Variants in SEC63 observed in about 807,000 individuals in gnomAD.
The protein encoded by SEC63 is SEC63 protein translocation regulator.
SEC63 carries 56 observed loss-of-function variants against 116.2 expected under a neutral mutation model. The ratio of observed to expected loss-of-function variants is 0.48; its 90% CI spans 0.39 to 0.60. The LOEUF is 0.60. Ranked by LOEUF, SEC63 falls within the 20% of genes least tolerant of loss-of-function variation. The pLI is 0.00. For missense variants in SEC63, 668 were observed against 900.0 expected (o/e 0.74, Z 3.30); for synonymous variants, 273 against 294.6 (o/e 0.93, Z 0.75).
chr6:107,876,716 A>G (rs1583720795), intron 18 of SEC63, 54 bp from the exon 19 acceptor site: 2 of 1,214,180 alleles, frequency 1.6e-6, no homozygotes, highest in East Asian at 4.7e-5. Flanking sequence ...AATCAGAAAG[A>G]ACTAGAAAGA....
Position 107,881,221 on chromosome 6 carries a change from C to T in SEC63, c.1863G>A (p.Gln621=). 3 of 1,612,778 alleles carry T rather than the reference C, an allele frequency of 1.9e-6. No homozygotes were observed. In the South Asian group the frequency reaches 3.3e-5, roughly 18 times the overall value. ...TTTCCAATAGAGCTCTCTCTTTTCG[C>T]TGTATGCTTTGTTGTAATTCTTGCC... is the stretch of plus-strand genomic sequence containing the variant. ...AEWQELQQSI[Q]RKERALLETK... Residue 621 remains glutamine (Q), a synonymous_variant, in exon 18 of 21, where the codon CAG becomes CAA. Coordinates refer to ENST00000369002, the MANE Select transcript of SEC63 (RefSeq NM_007214.5).
At chr6:107,910,983 T>A (rs1416057800) in intron 7 of SEC63, among the ~76,000 whole-genome samples, 1 of 152,178 alleles carries the variant, frequency 6.6e-6, no homozygotes, top group African/African-American at 2.4e-5. Context: ...TGTGCTGGGA[T>A]TACAGGAGTG....
At chr6:107,923,145 C>T (rs535017480) in intron 3 of SEC63, among the ~76,000 whole-genome samples, 4 of 152,256 alleles carry the variant, frequency 2.6e-5, no homozygotes, top group African/African-American at 9.6e-5. Context: ...TACTGATAAA[C>T]ACAAAAGATT....
intron 4 of SEC63, among the ~76,000 whole-genome samples, chr6:107,915,408 C>A (rs1787376080): frequency 6.6e-6 from 1 of 152,060 alleles, no homozygotes; most frequent in African/African-American, 2.4e-5. Context: ...AAACAAGTGA[C>A]CATGAGTTGG....
chr6:107,909,664 C>T (rs1020269819), intron 7 of SEC63, among the ~76,000 whole-genome samples: 1 of 152,180 alleles, frequency 6.6e-6, no homozygotes, highest in Non-Finnish European at 1.5e-5. Context: ...GCTATAAGCA[C>T]CAAGCTGGTT....
intron 4 of SEC63, among the ~76,000 whole-genome samples, chr6:107,915,342 A>G (rs1034411538): frequency 1.6e-4 from 25 of 152,088 alleles, no homozygotes; most frequent in Non-Finnish European, 4.4e-5. Context: ...TTTGTATACA[A>G]TTTCAGGGAC....
At chr6:107,879,591 C>T (rs1258589513) in intron 18 of SEC63, among the ~76,000 whole-genome samples, 1 of 152,196 alleles carries the variant, frequency 6.6e-6, no homozygotes, top group East Asian at 1.9e-4. Flanking sequence ...CCACAAAGTG[C>T]TGGGATTACA....
chr6:107,897,810 C>T, intron 13 of SEC63, 79 bp from the exon 14 acceptor site: 2 of 936,666 alleles, frequency 2.1e-6, no homozygotes, highest in Non-Finnish European at 3.5e-6. Flanking sequence ...ACTTAGCTTA[C>T]CCAAATTAGT....
At chr6:107,935,057 C>T (rs1176218442) in intron 1 of SEC63, among the ~76,000 whole-genome samples, 1 of 138,488 alleles carries the variant, frequency 7.2e-6, no homozygotes, top group African/African-American at 2.7e-5. Context: ...TCTGCCCAGC[C>T]GCCCCTACTG....
intron 16 of SEC63, among the ~76,000 whole-genome samples, chr6:107,887,491 T>A (rs568305341): frequency 6.8e-6 from 1 of 146,392 alleles, no homozygotes; most frequent in Non-Finnish European, 1.5e-5. Context: ...AGTAAACTAT[T>A]GCAAGAACAA....
chr6:107,895,861 A>T (rs1245636652), intron 14 of SEC63, among the ~76,000 whole-genome samples: 1 of 4,948 alleles, frequency 2.0e-4, no homozygotes, highest in Non-Finnish European at 4.6e-4. Flanking sequence ...CACCTCTATT[A>T]AAAAAAAAAA....
Position 107,913,406 on chromosome 6 carries a change from C to A in SEC63, c.474G>T (p.Arg158=). Residue 158 remains arginine (R), a synonymous_variant, in exon 5 of 21, where the codon CGG becomes CGT. Coordinates refer to ENST00000369002, the MANE Select transcript of SEC63 (RefSeq NM_007214.5). ...GATTTCCAAATTCTTCCCAATTTTT[C>A]CGGGACTCTTCATCCGTTAAACTAG... ...AYAALTDEES[R]KNWEEFGNPD... 6.2e-7 allele frequency: 1 copy of A among 1,613,210 alleles called. No homozygotes were observed. Among genetic ancestry groups the A allele is most frequent in the Admixed American group, 1.7e-5 (1 of 59,996 alleles).
At chr6:107,948,555 G>A (rs12195281) in intron 1 of SEC63, among the ~76,000 whole-genome samples, 29,657 of 152,110 alleles carry the variant, frequency 0.19, 3,568 homozygotes, top group Middle Eastern at 0.29. Context: ...GAAAGGCTTG[G>A]AGGGTAAATT....
At chr6:107,887,024 G>C (rs1331564365) in intron 16 of SEC63, among the ~76,000 whole-genome samples, 1 of 152,048 alleles carries the variant, frequency 6.6e-6, no homozygotes, top group Non-Finnish European at 1.5e-5. Flanking sequence ...TAAGTCTTAA[G>C]TCTTTAGTCC....
At position 107,870,591 on chromosome 6, in the gene SEC63, A is replaced by G. The variant is rs886060953; in HGVS notation, c.*1113T>C. 4 of 151,652 alleles carry G rather than the reference A, an allele frequency of 2.6e-5. No homozygotes were observed. The highest frequency in any genetic ancestry group is 5.9e-5 in the Non-Finnish European group (4 of 68,052). The allele number at this position is 151,652 out of a possible 1,614,324, so 9.4% of individuals were successfully genotyped here. On this transcript the variant is annotated 3_prime_UTR_variant, in exon 21 of 21. Transcript: ENST00000369002. ...TACTCTTTACAAGCACTATCCTTCC[A>G]GTTGTACTATGAGGGGAAATCCCTC...
chr6:107,927,879 A>C (rs1787711321), intron 2 of SEC63, among the ~76,000 whole-genome samples: 1 of 152,204 alleles, frequency 6.6e-6, no homozygotes, highest in Admixed American at 6.6e-5. Context: ...CTGTGGAAAC[A>C]GTTATTACAC....
At chr6:107,930,909 C>A (rs1241777296) in intron 1 of SEC63, among the ~76,000 whole-genome samples, 1 of 152,004 alleles carries the variant, frequency 6.6e-6, no homozygotes, top group Non-Finnish European at 1.5e-5. Context: ...GCACAAGAAT[C>A]ACTTGAACCC....
chr6:107,941,278 C>G (rs1316887611), intron 1 of SEC63, among the ~76,000 whole-genome samples: 1 of 151,862 alleles, frequency 6.6e-6, no homozygotes, highest in Admixed American at 6.6e-5. Flanking sequence ...ATAGCAAGAC[C>G]TCATCACTAC....
chr6:107,903,214 A>G (rs1178568122), intron 11 of SEC63, among the ~76,000 whole-genome samples: 2 of 152,196 alleles, frequency 1.3e-5, no homozygotes, highest in African/African-American at 4.8e-5. Flanking sequence ...GATTTAAAAG[A>G]AAAATTATTT....
Sources: gnomAD v4.1 joint callset for allele counts (sites outside exome capture counted in the v4.1 genomes callset) on GRCh38, gnomAD v4.1.1 for gene constraint, MANE v1.5 for transcripts, NCBI Gene and HGNC (gene_info 2026-07-23, HGNC 2026-07-21) for gene names.